The following RAB3C variants were observed in gnomAD, a reference collection of about 807,000 sequenced individuals.
RAB3C encodes RAB3C, member RAS oncogene family, also known as ras-related protein Rab-3C.
Under a neutral mutation model 26.4 loss-of-function variants are expected in RAB3C, and 17 were observed. The ratio of observed to expected loss-of-function variants is 0.64; its 90% CI spans 0.44 to 0.97. RAB3C has a LOEUF of 0.97. Ranked by LOEUF, RAB3C falls within the 50% of genes least tolerant of loss-of-function variation. The probability of loss-of-function intolerance (pLI) is 0.00; values close to 1 mark genes in which losing one functional copy is unlikely to be tolerated. For missense variants in RAB3C, 242 were observed against 281.9 expected (o/e 0.86, Z 1.01); for synonymous variants, 91 against 95.9 (o/e 0.95, Z 0.30).
intron 3 of RAB3C, among the ~76,000 whole-genome samples, chr5:58,813,779 A>G (rs1743152800): frequency 2.8e-5 from 2 of 70,324 alleles, no homozygotes; most frequent in Non-Finnish European, 2.8e-5. Context: ...TATTCAGTGA[A>G]TGCACACATA....
intron 4 of RAB3C, among the ~76,000 whole-genome samples, chr5:58,826,268 C>T (rs1487108785): frequency 2.0e-5 from 3 of 151,992 alleles, no homozygotes; most frequent in Non-Finnish European, 2.9e-5. Flanking sequence ...CAAGATACAG[C>T]TTGAATGGTC....
chr5:58,800,118 A>ATTCC (rs944254023), intron 3 of RAB3C, among the ~76,000 whole-genome samples: 67 of 152,286 alleles, frequency 4.4e-4, no homozygotes, highest in African/African-American at 1.6e-3. Context: ...TGGTGTTTGG[A>ATTCC]AGTTTAAATT....
In RAB3C at chr5:58,857,630, T is replaced by C. The variant is rs1744294871; in HGVS notation, c.*6279T>C. On this transcript the variant is annotated 3_prime_UTR_variant, in exon 5 of 5. Transcript: ENST00000282878. Reference sequence around the variant, plus strand: ...TCAATCTTGTATTTTATTTACAAATTCAACACTGTCAACCCTGGGAATTCT... The same window carrying C: ...TCAATCTTGTATTTTATTTACAAATCCAACACTGTCAACCCTGGGAATTCT... 6.6e-6 allele frequency: 1 copy of C among 152,218 alleles called. No individual in the cohort carries two copies. Among genetic ancestry groups the C allele is most frequent in the South Asian group, 2.1e-4 (1 of 4,834 alleles). The allele number at this position is 152,218 out of a possible 1,614,324, so 9.4% of individuals were successfully genotyped here. A position where few individuals can be genotyped will look rare whatever the true frequency, so the allele number is the denominator to read the frequency against.
At chr5:58,750,354 G>A (rs2111961061) in intron 3 of RAB3C, among the ~76,000 whole-genome samples, 2 of 152,280 alleles carry the variant, frequency 1.3e-5, no homozygotes, top group Middle Eastern at 6.8e-3. Flanking sequence ...AGTGCTTCAA[G>A]GGCAGCTATC....
chr5:58,630,390 A>G (rs549529069), intron 2 of RAB3C, among the ~76,000 whole-genome samples: 44 of 152,226 alleles, frequency 2.9e-4, no homozygotes, highest in Non-Finnish European at 4.7e-4. Context: ...TATTTAATGT[A>G]TTATAAATTA....
chr5:58,838,876 G>A (rs978396038), intron 4 of RAB3C, among the ~76,000 whole-genome samples: 1 of 152,042 alleles, frequency 6.6e-6, no homozygotes, highest in Non-Finnish European at 1.5e-5. Flanking sequence ...ATGTATCTGG[G>A]TGCTGTGGTG....
In RAB3C at chr5:58,696,155, G is replaced by A. The variant is rs192270845; in HGVS notation, c.253-29847G>A. ...GAAGAGCTGTTGAATTTTGTTGAAG[G>A]CCTCTTCTGCATCTATTGAGATACT... is the stretch of plus-strand genomic sequence containing the variant. On this transcript the variant is annotated intron_variant, in intron 2 of 4. Coordinates refer to ENST00000282878, the MANE Select transcript of RAB3C (RefSeq NM_138453.4). Among the ~76,000 whole-genome samples, 445 of 152,216 alleles carry A rather than the reference G, an allele frequency of 2.9e-3. 3 individuals carry two copies. The highest frequency in any genetic ancestry group is 0.011 in the Admixed American group (170 of 15,288).
At chr5:58,644,827 C>CT (rs1747485540) in intron 2 of RAB3C, among the ~76,000 whole-genome samples, 1 of 152,192 alleles carries the variant, frequency 6.6e-6, no homozygotes, top group Non-Finnish European at 1.5e-5. Flanking sequence ...TCTCTGCACT[C>CT]TATCTTTTTC....
At chr5:58,598,914 CAAG>C (rs1298377211) in intron 1 of RAB3C, among the ~76,000 whole-genome samples, 2 of 151,990 alleles carry the variant, frequency 1.3e-5, no homozygotes, top group Non-Finnish European at 2.9e-5. Context: ...GGTGGGAATT[CAAG>C]AAGAAGAATA....
chr5:58,631,679 A>G (rs1275360623), intron 2 of RAB3C, among the ~76,000 whole-genome samples: 1 of 152,206 alleles, frequency 6.6e-6, no homozygotes, highest in African/African-American at 2.4e-5. Flanking sequence ...ATTTTAATTA[A>G]ACAATGGATC....
intron 3 of RAB3C, among the ~76,000 whole-genome samples, chr5:58,806,527 A>G (rs1450711721): frequency 6.6e-6 from 1 of 152,232 alleles, no homozygotes; most frequent in East Asian, 1.9e-4. Flanking sequence ...TGATTATTTA[A>G]GAAAAGAAAA....
At chr5:58,738,849 A>G (rs556064318) in intron 3 of RAB3C, among the ~76,000 whole-genome samples, 4 of 152,162 alleles carry the variant, frequency 2.6e-5, no homozygotes, top group African/African-American at 7.2e-5. Context: ...ATTTTCTAGC[A>G]TTTTTCTTGG....
At chr5:58,657,729 A>G (rs917334921) in intron 2 of RAB3C, among the ~76,000 whole-genome samples, 2 of 152,190 alleles carry the variant, frequency 1.3e-5, no homozygotes, top group African/African-American at 4.8e-5. Flanking sequence ...GAGGATTTCA[A>G]GGAGAAGAGT....
chr5:58,713,159 G>A (rs941273423), intron 2 of RAB3C, among the ~76,000 whole-genome samples: 12 of 152,164 alleles, frequency 7.9e-5, no homozygotes, highest in Non-Finnish European at 1.5e-4. Context: ...TACAGATGGT[G>A]ATGGAGGTAG....
At chr5:58,811,345 G>GTGTGTGTGTA (rs71786187) in intron 3 of RAB3C, among the ~76,000 whole-genome samples, 1 of 151,784 alleles carries the variant, frequency 6.6e-6, no homozygotes, top group African/African-American at 2.4e-5. Flanking sequence ...TAGATTTTGC[G>GTGTGTGTGTA]TGTGTGTGTA....
chr5:58,706,165 A>T (rs1055698911), intron 2 of RAB3C, among the ~76,000 whole-genome samples: 2 of 152,134 alleles, frequency 1.3e-5, no homozygotes, highest in East Asian at 3.9e-4. Flanking sequence ...TTGCTTAGGA[A>T]TAGTTTATGG....
At chr5:58,797,014 C>CACACACACACA in intron 3 of RAB3C, among the ~76,000 whole-genome samples, 2 of 149,542 alleles carry the variant, frequency 1.3e-5, no homozygotes, top group East Asian at 1.9e-4. Flanking sequence ...CACACACACA[C>CACACACACACA]CTACCTTCCC....
intron 2 of RAB3C, among the ~76,000 whole-genome samples, chr5:58,644,919 T>G (rs554247391): frequency 1.3e-5 from 2 of 152,282 alleles, no homozygotes; most frequent in African/African-American, 4.8e-5. Context: ...CCTTAAGCAG[T>G]GCATTTACAG....
chr5:58,682,931 A>G (rs1455211345), intron 2 of RAB3C, among the ~76,000 whole-genome samples: 2 of 152,194 alleles, frequency 1.3e-5, no homozygotes, highest in Non-Finnish European at 2.9e-5. Flanking sequence ...ATTATCAACT[A>G]GTACTTTCCT....
Sources: allele counts gnomAD v4.1 joint callset (sites outside exome capture counted in the v4.1 genomes callset), GRCh38; gene constraint gnomAD v4.1.1; transcripts MANE v1.5; gene names NCBI Gene and HGNC (gene_info 2026-07-23, HGNC 2026-07-21).